CLCN7: variants seen among roughly 807,000 people sequenced by gnomAD.
CLCN7 encodes the protein Cl-/H+ antiporter 7.
CLCN7 carries 60 observed loss-of-function variants against 102.1 expected under a neutral mutation model. The ratio of observed to expected loss-of-function variants is 0.59; its 90% CI spans 0.48 to 0.73. The LOEUF (loss-of-function observed/expected upper bound fraction) is 0.73. Among genes scored for constraint, CLCN7 ranks in the 30% least tolerant of loss-of-function variants. The probability of loss-of-function intolerance (pLI) is 0.00; values close to 1 mark genes in which losing one functional copy is unlikely to be tolerated. For synonymous variants in CLCN7, 560 were observed against 490.5 expected (o/e 1.14, Z -1.87); for missense variants, 962 against 1,125.7 (o/e 0.85, Z 2.08).
intron 12 of CLCN7, 52 bp downstream of exon 12, chr16:1,455,081 AG>A (rs2038813024): frequency 9.5e-7 from 1 of 1,051,982 alleles, no homozygotes; most frequent in Non-Finnish European, 1.5e-6. Context: ...TTAAGCAAAC[AG>A]GGTCCTGGAC....
intron 15 of CLCN7, chr16:1,452,291 T>C (rs575468135): frequency 4.3e-6 from 1 of 234,890 alleles, no homozygotes; most frequent in South Asian, 6.1e-5. Context: ...GGATGTTTCA[T>C]GTTAATGGGG....
chr16:1,456,498 G>A (rs900230069), intron 9 of CLCN7, among the ~76,000 whole-genome samples: 14 of 152,212 alleles, frequency 9.2e-5, no homozygotes, highest in African/African-American at 3.1e-4. Flanking sequence ...CGCACGGATG[G>A]AAACCCAGCC....
At chr16:1,458,871 G>A (rs987320624) in intron 7 of CLCN7, among the ~76,000 whole-genome samples, 3 of 152,218 alleles carry the variant, frequency 2.0e-5, no homozygotes, top group African/African-American at 7.2e-5. Context: ...CACCACGCAA[G>A]CATTTCTGTA....
Position 1,460,950 on chromosome 16 carries a change from T to C in CLCN7, c.352-2A>G. On this transcript the variant is annotated splice_acceptor_variant, in intron 4 of 24. Coordinates refer to ENST00000382745, the MANE Select transcript of CLCN7 (RefSeq NM_001287.6). LOFTEE classifies it high-confidence loss of function. The stretch of plus-strand genomic sequence containing the variant: ...CTTGATCTCCACCGTCCGGAAGGCC[T>C]GCAGGGCGCGGTCAGGGCGAGGGTC... The C allele has an allele frequency of 6.2e-7, 1 of 1,613,028 alleles. No homozygotes were observed. The highest frequency in any genetic ancestry group is 8.5e-7 in the Non-Finnish European group (1 of 1,179,860).
chr16:1,459,943 G>C (rs369802994), intron 6 of CLCN7, among the ~76,000 whole-genome samples: 9 of 135,028 alleles, frequency 6.7e-5, no homozygotes, highest in East Asian at 2.0e-4. Context: ...GGGAAGGGGA[G>C]AGCAGCACAC....
intron 17 of CLCN7, 191 bp from the exon 18 acceptor site, chr16:1,449,518 C>T: frequency 1.6e-6 from 1 of 622,514 alleles, no homozygotes; most frequent in Non-Finnish European, 2.9e-6. Flanking sequence ...TTGGCCTGAA[C>T]CAGGCGCTCA....
rs951509376 is a variant in CLCN7 at position 1,456,733 on chromosome 16, C to T, written c.822+521G>A. Among the ~76,000 whole-genome samples the T allele has an allele frequency of 7.3e-5, 11 of 151,666 alleles. No individual in the cohort carries two copies. The East Asian group carries it at 1.6e-3, about 21-fold the overall frequency. Reference sequence around the variant, plus strand: ...GCGGGCACCTATAATCCCAGCTACTCGGGATGCTGAGGCAGGAGAATTGCT... The same window carrying T: ...GCGGGCACCTATAATCCCAGCTACTTGGGATGCTGAGGCAGGAGAATTGCT... On this transcript the variant is annotated intron_variant, in intron 9 of 24. Coordinates refer to ENST00000382745, the MANE Select transcript of CLCN7 (RefSeq NM_001287.6).
At chr16:1,448,873 C>G (rs528297027) in intron 19 of CLCN7, 93 bp downstream of exon 19, 12 of 1,594,052 alleles carry the variant, frequency 7.5e-6, no homozygotes, top group Admixed American at 1.7e-5. Flanking sequence ...CCTGAGCCTA[C>G]CCCCCGGGAC....
chr16:1,456,303 G>A, intron 9 of CLCN7, 97 bp from the exon 10 acceptor site: 1 of 878,638 alleles, frequency 1.1e-6, no homozygotes, highest in Non-Finnish European at 1.8e-6. Flanking sequence ...TGCAGGGGAA[G>A]GGGCTTTCAG....
chr16:1,464,846 G>C (rs1189222096), intron 2 of CLCN7, among the ~76,000 whole-genome samples: 4 of 152,180 alleles, frequency 2.6e-5, no homozygotes, highest in Admixed American at 2.0e-4. Context: ...GAAGGAAGAC[G>C]AGCACGCTGC....
rs1246417838 is a variant in CLCN7 at position 1,455,257 on chromosome 16, C to T, written c.982-7G>A. The T allele has an allele frequency of 1.3e-6, 2 of 1,579,452 alleles. No individual in the cohort carries two copies. The highest frequency in any genetic ancestry group is 2.7e-5 in the African/African-American group (2 of 74,136). ...AGATCATGGAAGCAAAGAACTGCGG[C>T]AGAGGGCAGGAAACCAGCGCCCTCA... On this transcript the variant is annotated splice_polypyrimidine_tract_variant and splice_region_variant and intron_variant, in intron 11 of 24. Transcript: ENST00000382745.
In CLCN7 at chr16:1,446,714, C is replaced by A. The variant is rs1427277978; in HGVS notation, c.2335G>T (p.Val779Phe). ...LVVVDNRNQV[V>F]GLVTRKDLAR... is the part of the protein sequence containing the mutation. ...AGGTCCTTCCTGGTCACCAACCCGACAACCTGCAGGACAAGTCCAGGCCAC... is the reference window on the plus strand; with the variant it reads ...AGGTCCTTCCTGGTCACCAACCCGAAAACCTGCAGGACAAGTCCAGGCCAC... The change falls in exon 25 of 25, where the codon GTC becomes TTC. Residue 779 changes from valine (V) to phenylalanine (F), a missense_variant. Val to Phe is a conservative substitution (Grantham distance 50). This residue lies in a region of CLCN7 where 799 missense variants were observed against 988.0 expected (regional missense o/e 0.81). Coordinates refer to ENST00000382745, the MANE Select transcript of CLCN7 (RefSeq NM_001287.6). 3 of 1,584,188 alleles carry A rather than the reference C, an allele frequency of 1.9e-6. No homozygotes were observed. Among genetic ancestry groups the A allele is most frequent in the South Asian group, 1.1e-5 (1 of 87,366 alleles).
chr16:1,448,558 G>A, intron 20 of CLCN7, 74 bp from the exon 21 acceptor site: 1 of 1,602,288 alleles, frequency 6.2e-7, no homozygotes, highest in Non-Finnish European at 8.5e-7. Flanking sequence ...GGGCTGGTGA[G>A]GTGTGAAGCC....
intron 9 of CLCN7, among the ~76,000 whole-genome samples, chr16:1,456,773 G>A (rs9926293): frequency 0.37 from 56,320 of 151,142 alleles, 11,227 homozygotes; most frequent in East Asian, 0.73. Flanking sequence ...CCTGGGAGGT[G>A]GAGGCTGCAG....
intron 17 of CLCN7, 181 bp from the exon 18 acceptor site, chr16:1,449,508 T>G (rs1001974745): frequency 9.4e-6 from 6 of 637,562 alleles, no homozygotes; most frequent in Non-Finnish European, 1.7e-5. Context: ...GGCTGCATCC[T>G]TGGCCTGAAC....
At position 1,446,416 on chromosome 16, in the gene CLCN7, C is replaced by T. The variant is rs1317204515; in HGVS notation, c.*215G>A. The stretch of plus-strand genomic sequence containing the variant: ...GAGGAGAGTGGAGGCTGGGCCTGCG[C>T]AAGGAGGCGCCAAGGGGGGAGACCA... On this transcript the variant is annotated 3_prime_UTR_variant, in exon 25 of 25. Coordinates refer to ENST00000382745, the MANE Select transcript of CLCN7 (RefSeq NM_001287.6). 3 of 702,534 alleles carry T rather than the reference C, an allele frequency of 4.3e-6. No homozygotes were observed. In the South Asian group the frequency reaches 4.4e-5, roughly 10 times the overall value. The allele number at this position is 702,534 out of a possible 1,614,324, so 43.5% of individuals were successfully genotyped here. A position where few individuals can be genotyped will look rare whatever the true frequency, so the allele number is the denominator to read the frequency against.
chr16:1,473,196 C>G (rs1231024197), intron 1 of CLCN7, among the ~76,000 whole-genome samples: 1 of 152,072 alleles, frequency 6.6e-6, no homozygotes, highest in African/African-American at 2.4e-5. Context: ...GATCACTTTT[C>G]ATGCAGACTA....
chr16:1,449,853 T>G (rs2038716076), intron 17 of CLCN7: 1 of 187,168 alleles, frequency 5.3e-6, no homozygotes, highest in African/African-American at 2.4e-5. Flanking sequence ...TTTTACGGTA[T>G]TTGAATCATG....
At chr16:1,468,274 C>G (rs1194336951) in intron 1 of CLCN7, among the ~76,000 whole-genome samples, 1 of 152,190 alleles carries the variant, frequency 6.6e-6, no homozygotes, top group Non-Finnish European at 1.5e-5. Context: ...CAGCGGGCCA[C>G]CCCCACCGCC....
Sources: gnomAD v4.1 joint callset for allele counts (sites outside exome capture counted in the v4.1 genomes callset) on GRCh38, gnomAD v4.1.1 for gene constraint, gnomAD v4.1.1 regional missense constraint, MANE v1.5 for transcripts, NCBI Gene and HGNC (gene_info 2026-07-23, HGNC 2026-07-21) for gene names.